Variants in ARID3A observed in about 807,000 individuals in gnomAD.
ARID3A encodes AT-rich interactive domain-containing protein 3A.
A neutral mutation model predicts 52.7 loss-of-function variants in ARID3A; 11 were observed. That is an observed-to-expected ratio of 0.21 (90% CI 0.13 to 0.35). ARID3A has a LOEUF of 0.35. Ranked by LOEUF, ARID3A falls within the 10% of genes least tolerant of loss-of-function variation. The probability of loss-of-function intolerance (pLI) is 1.00; values close to 1 mark genes in which losing one functional copy is unlikely to be tolerated. For missense variants in ARID3A, 721 were observed against 838.5 expected, an observed-to-expected ratio of 0.86 and a Z score of 1.73; for synonymous variants, 404 against 359.4, an observed-to-expected ratio of 1.12 and a Z score of -1.40.
intron 3 of ARID3A, among the ~76,000 whole-genome samples, chr19:934,590 A>C (rs1196072349): frequency 6.6e-6 from 1 of 152,096 alleles, no homozygotes; most frequent in Non-Finnish European, 1.5e-5. Flanking sequence ...GCCGCCCCGC[A>C]CCTGCCCCCT....
intron 3 of ARID3A, among the ~76,000 whole-genome samples, chr19:943,469 G>A (rs1043409289): frequency 7.2e-5 from 11 of 151,898 alleles, no homozygotes; most frequent in Non-Finnish European, 1.6e-4. Flanking sequence ...TTGGGAAGCT[G>A]AGGCAGGAGA....
chr19:942,293 T>C lies in ARID3A; in HGVS notation c.693+9551T>C, dbSNP rs188426585. Among the ~76,000 whole-genome samples the C allele has an allele frequency of 5.6e-3, 849 of 152,278 alleles. 11 individuals are homozygous for C. The highest frequency in any genetic ancestry group is 0.02 in the African/African-American group (821 of 41,560). ...TTCGATGGCCCAAATTACCTGACTG[T>C]CGATCCTGACTGGGGCGGTGGCGAC... On this transcript the variant is annotated intron_variant, in intron 3 of 8. Transcript: ENST00000263620. The surrounding 1 kb of genome is among the most constrained non-coding windows in gnomAD (Gnocchi z 8.1).
Position 932,496 on chromosome 19 carries a change from T to TGAGGAG in ARID3A, c.459_464dup (p.Glu153_Glu154dup), listed in dbSNP as rs761028250. On this transcript the variant is annotated inframe_insertion, in exon 3 of 9. Coordinates refer to ENST00000263620, the MANE Select transcript of ARID3A (RefSeq NM_005224.3). ...AGGAGGAGGAGGAGGATTACGAGGA[T>TGAGGAG]GAGGAGGAGGAGGAGGACGAGGAGG... 4.5e-5 allele frequency: 69 copies of TGAGGAG among 1,541,918 alleles called. No individual in the cohort carries two copies. Among genetic ancestry groups the TGAGGAG allele is most frequent in the Admixed American group, 6.5e-5 (3 of 46,160 alleles).
In ARID3A at chr19:971,915, C is replaced by T. The variant is rs1426225660; in HGVS notation, c.1632C>T (p.Thr544=). Residue 544 remains threonine, a synonymous_variant, in exon 9 of 9, where the codon ACC becomes ACT. Transcript: ENST00000263620. ...LFAQPPAPTP[T]SAPNKGGGGG... ...CTCAGCCGCCGGCCCCCACGCCAAC[C>T]TCTGCTCCCAACAAAGGAGGCGGCG... is the stretch of plus-strand genomic sequence containing the variant. 2 of 1,604,402 alleles carry T rather than the reference C, an allele frequency of 1.2e-6. No individual in the cohort carries two copies. Among genetic ancestry groups the T allele is most frequent in the Non-Finnish European group, 1.7e-6 (2 of 1,175,494 alleles).
intron 3 of ARID3A, among the ~76,000 whole-genome samples, chr19:933,186 G>A (rs1057231011): frequency 1.4e-4 from 21 of 152,158 alleles, no homozygotes; most frequent in Non-Finnish European, 2.1e-4. Flanking sequence ...GGGGGGTTGC[G>A]GGCTGCAGCT....
rs117775538 is a variant in ARID3A, at chr19:947,867, C to T, written c.694-12225C>T. On this transcript the variant is annotated intron_variant, in intron 3 of 8. Transcript: ENST00000263620. This position sits in a 1 kb window ranked among gnomAD's most constrained non-coding sequence, Gnocchi z 6.3. Reference sequence around the variant, plus strand: ...CAGAATCACTTCCCCAATTTCCCCACGCCCGGCGGGGCTCTCAGCATCTGC... The same window carrying T: ...CAGAATCACTTCCCCAATTTCCCCATGCCCGGCGGGGCTCTCAGCATCTGC... Among the ~76,000 whole-genome samples the T allele has an allele frequency of 7.9e-3, 1,208 of 152,330 alleles. 7 individuals are homozygous for T. The highest frequency in any genetic ancestry group is 0.014 in the Non-Finnish European group (965 of 68,036).
chr19:938,935 T>C lies in ARID3A; in HGVS notation c.693+6193T>C, dbSNP rs2037489901. Among the ~76,000 whole-genome samples the C allele has an allele frequency of 6.7e-6, 1 of 148,994 alleles. No homozygotes were observed. The highest frequency in any genetic ancestry group is 2.5e-5 in the African/African-American group (1 of 40,624). On this transcript the variant is annotated intron_variant, in intron 3 of 8. Coordinates refer to ENST00000263620, the MANE Select transcript of ARID3A (RefSeq NM_005224.3). The surrounding 1 kb of genome is among the most constrained non-coding windows in gnomAD (Gnocchi z 4.0). ...AGATACATTATTTTATCTCTCTTTT[T>C]TTTTTTTTTTTTTGAGACGGAGTCT... is the stretch of plus-strand genomic sequence containing the variant.
rs982616287 is a variant in ARID3A, at chr19:941,556, G to A, written c.693+8814G>A. Among the ~76,000 whole-genome samples the A allele has an allele frequency of 6.6e-6, 1 of 152,200 alleles. No homozygotes were observed. The highest frequency in any genetic ancestry group is 2.4e-5 in the African/African-American group (1 of 41,446). Reference sequence around the variant, plus strand: ...GACCTGTTGGTGAGTGTGTCCAGACGTGTGTCTGCCCTGACGTCCTTTGTG... The same window carrying A: ...GACCTGTTGGTGAGTGTGTCCAGACATGTGTCTGCCCTGACGTCCTTTGTG... On this transcript the variant is annotated intron_variant, in intron 3 of 8. Transcript: ENST00000263620. The surrounding 1 kb of genome is among the most constrained non-coding windows in gnomAD (Gnocchi z 6.9).
intron 3 of ARID3A, among the ~76,000 whole-genome samples, chr19:953,569 G>A (rs1332581375): frequency 2.6e-5 from 4 of 152,312 alleles, no homozygotes; most frequent in East Asian, 3.9e-4. Context: ...TTGCAGATCC[G>A]TGTAACGGGG....
chr19:947,079 G>A lies in ARID3A; in HGVS notation c.694-13013G>A, dbSNP rs1253698547. ...CACAGTGCTGGGATCAAAGGTGGGAGCCACTGTGCCCAGCCCACACTGAGA... is the reference window on the plus strand; with the variant it reads ...CACAGTGCTGGGATCAAAGGTGGGAACCACTGTGCCCAGCCCACACTGAGA... On this transcript the variant is annotated intron_variant, in intron 3 of 8. Coordinates refer to ENST00000263620, the MANE Select transcript of ARID3A (RefSeq NM_005224.3). This position sits in a 1 kb window ranked among gnomAD's most constrained non-coding sequence, Gnocchi z 6.3. Among the ~76,000 whole-genome samples, 1 of 152,050 alleles carries A rather than the reference G, an allele frequency of 6.6e-6. No homozygotes were observed. The highest frequency in any genetic ancestry group is 1.9e-4 in the East Asian group (1 of 5,192).
At chr19:955,777 C>T (rs1005662360) in intron 3 of ARID3A, among the ~76,000 whole-genome samples, 3 of 152,312 alleles carry the variant, frequency 2.0e-5, no homozygotes, top group Non-Finnish European at 2.9e-5. Flanking sequence ...ACCTTCCGCT[C>T]GCCCTGGAAG....
chr19:956,218 T>C (rs1029914364), intron 3 of ARID3A, among the ~76,000 whole-genome samples: 5 of 152,166 alleles, frequency 3.3e-5, no homozygotes, highest in Non-Finnish European at 7.4e-5. Context: ...ACCTGCTGCC[T>C]CAGGCGTTTC....
intron 3 of ARID3A, among the ~76,000 whole-genome samples, chr19:955,184 A>G (rs1169692119): frequency 6.6e-6 from 1 of 152,150 alleles, no homozygotes; most frequent in Non-Finnish European, 1.5e-5. Context: ...GGGCCTGGAC[A>G]CCGCCATGGG....
Position 941,127 on chromosome 19 carries a change from G to A in ARID3A, c.693+8385G>A, listed in dbSNP as rs954407151. Among the ~76,000 whole-genome samples, 4 of 152,192 alleles carry A rather than the reference G, an allele frequency of 2.6e-5. No individual in the cohort carries two copies. The highest frequency in any genetic ancestry group is 7.2e-5 in the African/African-American group (3 of 41,464). On this transcript the variant is annotated intron_variant, in intron 3 of 8. Coordinates refer to ENST00000263620, the MANE Select transcript of ARID3A (RefSeq NM_005224.3). The surrounding 1 kb of genome is among the most constrained non-coding windows in gnomAD (Gnocchi z 6.9). ...GTGGCTGCTGCCAAGCGCCGGCCCC[G>A]CCCCATGCTTTCTAATAACACACGC...
At chr19:966,964 T>TC in intron 7 of ARID3A, 96 bp downstream of exon 7, 1 of 1,237,610 alleles carries the variant, frequency 8.1e-7, no homozygotes, top group Non-Finnish European at 1.0e-6. Flanking sequence ...AACAAATCAA[T>TC]AAGAAAAAAA....
chr19:938,566 G>A lies in ARID3A; in HGVS notation c.693+5824G>A, dbSNP rs560153548. 2.0e-5 allele frequency among the ~76,000 whole-genome samples: 3 copies of A among 152,356 alleles called. No homozygotes were observed. Among genetic ancestry groups the A allele is most frequent in the South Asian group, 2.1e-4 (1 of 4,832 alleles). On this transcript the variant is annotated intron_variant, in intron 3 of 8. Transcript: ENST00000263620. This position sits in a 1 kb window ranked among gnomAD's most constrained non-coding sequence, Gnocchi z 4.0. The stretch of plus-strand genomic sequence containing the variant: ...TGGCCCAGGGAGCTGCTGGTGGGAC[G>A]GTTTTGGGGAAGCTCAGCTGCCCCT...
chr19:926,142 C>T (rs553895221), intron 1 of ARID3A, 83 bp downstream of exon 1: 1 of 148,886 alleles, frequency 6.7e-6, no homozygotes, highest in Admixed American at 6.7e-5. Context: ...CAGGCGGGCC[C>T]GGGCAGGCCG....
Position 966,645 on chromosome 19 carries a change from A to G in ARID3A, c.1272A>G (p.Ala424=). Reference sequence around the variant, plus strand: ...CCCTGGCGGGCCACCCTGTGGTGGCAGCCCAGGCAGCAGCTGTGCAAGCAG... The same window carrying G: ...CCCTGGCGGGCCACCCTGTGGTGGCGGCCCAGGCAGCAGCTGTGCAAGCAG... ...PVSLAGHPVV[A]AQAAAVQAAA... Residue 424 remains alanine, a synonymous_variant, in exon 7 of 9, where the codon GCA becomes GCG. Coordinates refer to ENST00000263620, the MANE Select transcript of ARID3A (RefSeq NM_005224.3). 1 of 1,604,518 alleles carries G rather than the reference A, an allele frequency of 6.2e-7. No individual in the cohort carries two copies.
chr19:970,206 A>C (rs11883032), intron 8 of ARID3A, among the ~76,000 whole-genome samples: 1 of 151,818 alleles, frequency 6.6e-6, no homozygotes, highest in Non-Finnish European at 1.5e-5. Context: ...CCAGCTGCTT[A>C]GGAGGCTGAG....
Sources: allele counts gnomAD v4.1 joint callset (sites outside exome capture counted in the v4.1 genomes callset), GRCh38; gene constraint gnomAD v4.1.1; non-coding constraint Gnocchi (gnomAD v3.1); transcripts MANE v1.5; gene names NCBI Gene and HGNC (gene_info 2026-07-23, HGNC 2026-07-21).